GOLGA1: variants seen among roughly 807,000 people sequenced by gnomAD.
The protein encoded by GOLGA1 is golgin A1.
Under a neutral mutation model 119.7 loss-of-function variants are expected in GOLGA1, and 63 were observed. The observed-to-expected ratio is 0.53, with a 90% CI of 0.43 to 0.65. GOLGA1 has a LOEUF of 0.65. Among genes scored for constraint, GOLGA1 ranks in the 30% least tolerant of loss-of-function variants. GOLGA1 has a pLI of 0.00. For missense variants in GOLGA1, 798 were observed against 912.8 expected, an observed-to-expected ratio of 0.87 and a Z score of 1.62; for synonymous variants, 318 against 333.4, an observed-to-expected ratio of 0.95 and a Z score of 0.50.
intron 14 of GOLGA1, 129 bp downstream of exon 14, chr9:124,899,200 A>T (rs78721797): frequency 1.4e-6 from 1 of 710,660 alleles, no homozygotes; most frequent in Non-Finnish European, 2.2e-6. Context: ...TGTCTCAAAC[A>T]AAAAAAAAGC....
At chr9:124,918,378 G>C (rs1830494047) in intron 10 of GOLGA1, among the ~76,000 whole-genome samples, 1 of 152,156 alleles carries the variant, frequency 6.6e-6, no homozygotes, top group Admixed American at 6.5e-5. Flanking sequence ...TTTTTAGAAT[G>C]AATGAAGAAA....
intron 19 of GOLGA1, among the ~76,000 whole-genome samples, chr9:124,885,207 C>T (rs1829691197): frequency 1.3e-5 from 2 of 152,230 alleles, no homozygotes; most frequent in South Asian, 4.2e-4. Flanking sequence ...CGCCTGTAGT[C>T]CCAGCTACTT....
At chr9:124,880,676 G>T in intron 22 of GOLGA1, 66 bp from the exon 23 acceptor site, 2 of 959,136 alleles carry the variant, frequency 2.1e-6, no homozygotes, top group Non-Finnish European at 3.4e-6. Context: ...AAACTGAACC[G>T]CCCCTCCCCT....
rs992683537 is a variant in GOLGA1, at chr9:124,878,550, T to G, written c.*1980A>C. The G allele has an allele frequency of 6.6e-6, 1 of 152,638 alleles. No homozygotes were observed. Among genetic ancestry groups the G allele is most frequent in the Non-Finnish European group, 1.5e-5 (1 of 68,044 alleles). The allele number at this position is 152,638 out of a possible 1,614,324, so 9.5% of individuals were successfully genotyped here. On this transcript the variant is annotated 3_prime_UTR_variant, in exon 23 of 23. Coordinates refer to ENST00000373555, the MANE Select transcript of GOLGA1 (RefSeq NM_002077.4). ...AAAGTTTTATACAAGTCAAAGTGCA[T>G]TAAATCACTTAGAATATTTATTCCA...
intron 6 of GOLGA1, among the ~76,000 whole-genome samples, chr9:124,927,053 T>C (rs1830688297): frequency 1.3e-5 from 2 of 152,172 alleles, no homozygotes; most frequent in Admixed American, 1.3e-4. Context: ...TTTGGCTTGT[T>C]CCTGGGAGTT....
At chr9:124,928,646 A>G (rs908569585) in intron 5 of GOLGA1, among the ~76,000 whole-genome samples, 1 of 152,248 alleles carries the variant, frequency 6.6e-6, no homozygotes, top group African/African-American at 2.4e-5. Context: ...CTTTATCAGA[A>G]TTAAAAACAA....
chr9:124,882,369 C>T (rs1829608039), intron 20 of GOLGA1, 141 bp downstream of exon 20: 5 of 657,614 alleles, frequency 7.6e-6, no homozygotes, highest in South Asian at 5.3e-5. Flanking sequence ...CACCAGCTAA[C>T]GTTGGATTGC....
At position 124,924,294 on chromosome 9, in the gene GOLGA1, GA is replaced by G. The variant is rs758523527; in HGVS notation, c.433-1072del. On this transcript the variant is annotated intron_variant, in intron 7 of 22. Coordinates refer to ENST00000373555, the MANE Select transcript of GOLGA1 (RefSeq NM_002077.4). Reference sequence around the variant, plus strand: ...ATTTCAGTTAACAAGCTAAAAAAAAGAAAAAAAAATTAGACATGACTGGTGT... The same window carrying G: ...ATTTCAGTTAACAAGCTAAAAAAAAGAAAAAAAATTAGACATGACTGGTGT... Among the ~76,000 whole-genome samples the G allele has an allele frequency of 1.2e-4, 18 of 150,910 alleles. 1 individual carries two copies. In the South Asian group the frequency reaches 2.7e-3, roughly 23 times the overall value.
At chr9:124,880,675 C>T (rs149897602) in intron 22 of GOLGA1, 65 bp from the exon 23 acceptor site, 89 of 960,048 alleles carry the variant, frequency 9.3e-5, no homozygotes, top group African/African-American at 7.2e-4. Context: ...GAAACTGAAC[C>T]GCCCCTCCCC....
chr9:124,923,817 G>T (rs771974690), intron 7 of GOLGA1, among the ~76,000 whole-genome samples: 3 of 151,968 alleles, frequency 2.0e-5, no homozygotes, highest in Non-Finnish European at 4.4e-5. Flanking sequence ...CATCTGTTTA[G>T]CAAGTCCAGA....
At chr9:124,934,065 T>C (rs187279856) in intron 3 of GOLGA1, among the ~76,000 whole-genome samples, 40 of 152,266 alleles carry the variant, frequency 2.6e-4, no homozygotes, top group Admixed American at 1.2e-3. Context: ...TTGGGGATCC[T>C]TGACACACAT....
chr9:124,890,560 G>C, intron 15 of GOLGA1, 82 bp from the exon 16 acceptor site: 1 of 1,059,718 alleles, frequency 9.4e-7, no homozygotes, highest in Non-Finnish European at 1.5e-6. Flanking sequence ...CCAGCAGACA[G>C]GGCATGGCTT....
rs946522470 is a variant in GOLGA1 at position 124,888,668 on chromosome 9, CT to C, written c.1762-273del. ...TGGGCTCTTCAGGACTCATGGCCTCCTAGCCATATGAGTGCCCTACTTTATT... is the reference window on the plus strand; with the variant it reads ...TGGGCTCTTCAGGACTCATGGCCTCCAGCCATATGAGTGCCCTACTTTATT... On this transcript the variant is annotated intron_variant, in intron 18 of 22. Coordinates refer to ENST00000373555, the MANE Select transcript of GOLGA1 (RefSeq NM_002077.4). This position sits in a 1 kb window ranked among gnomAD's most constrained non-coding sequence, Gnocchi z 4.4. 1.6e-4 allele frequency among the ~76,000 whole-genome samples: 25 copies of C among 152,154 alleles called. No individual in the cohort carries two copies. Among genetic ancestry groups the C allele is most frequent in the Admixed American group, 6.5e-5 (1 of 15,270 alleles).
intron 3 of GOLGA1, among the ~76,000 whole-genome samples, chr9:124,936,367 G>A (rs1189545735): frequency 1.3e-5 from 2 of 152,020 alleles, no homozygotes; most frequent in African/African-American, 4.8e-5. Flanking sequence ...ATCTGACAAC[G>A]GAAACAATTC....
chr9:124,943,959 C>A (rs2131557261), upstream of GOLGA1: 1 of 152,232 alleles, frequency 6.6e-6, no homozygotes, highest in East Asian at 1.9e-4. Context: ...ACGAAGATAA[C>A]CTATATGGAT....
chr9:124,943,359 A>G (rs914619216), upstream of GOLGA1: 1 of 151,964 alleles, frequency 6.6e-6, no homozygotes, highest in African/African-American at 2.4e-5. Context: ...CAATATCCAA[A>G]TATTAATACA....
Position 124,880,605 on chromosome 9 carries a change from T to A in GOLGA1, c.2229A>T (p.Ser743=), listed in dbSNP as rs1335100383. Residue 743 remains serine (S), a synonymous_variant, in exon 23 of 23, where the codon TCA becomes TCT. Coordinates refer to ENST00000373555, the MANE Select transcript of GOLGA1 (RefSeq NM_002077.4). ...MLKETLEYKM[S]WFGSKPAPKG... ...TGGGAGCTGGTTTGGACCCAAACCA[T>A]GACATCTGCATTTGAAACAGAAAAG... 1 of 1,598,282 alleles carries A rather than the reference T, an allele frequency of 6.3e-7. No homozygotes were observed. Among genetic ancestry groups the A allele is most frequent in the Admixed American group, 1.7e-5 (1 of 59,956 alleles).
chr9:124,907,398 A>T (rs1183744237), intron 12 of GOLGA1, among the ~76,000 whole-genome samples: 1 of 152,256 alleles, frequency 6.6e-6, no homozygotes, highest in African/African-American at 2.4e-5. Flanking sequence ...GGGAAAAAAC[A>T]GTAGATCTCT....
At chr9:124,900,277 G>C (rs1249462788) in intron 13 of GOLGA1, 175 bp downstream of exon 13, 3 of 469,586 alleles carry the variant, frequency 6.4e-6, no homozygotes, top group Non-Finnish European at 1.2e-5. Context: ...CCCACCATTA[G>C]GTCCTGACTC....
Sources: gnomAD v4.1 joint callset for allele counts (sites outside exome capture counted in the v4.1 genomes callset) on GRCh38, gnomAD v4.1.1 for gene constraint, Gnocchi (gnomAD v3.1) non-coding constraint, MANE v1.5 for transcripts, NCBI Gene and HGNC (gene_info 2026-07-23, HGNC 2026-07-21) for gene names.